MTRES1: variants seen among roughly 807,000 people sequenced by gnomAD.
MTRES1 encodes the protein uncharacterized protein C6orf203.
MTRES1 carries 11 observed loss-of-function variants against 17.4 expected under a neutral mutation model. That is an observed-to-expected ratio of 0.63 (90% CI 0.40 to 1.05). The LOEUF (loss-of-function observed/expected upper bound fraction) is 1.05, where lower values mean the gene tolerates loss of function less well. MTRES1 is among the 50% of genes least tolerant of loss of function. The pLI, the probability that MTRES1 is intolerant of heterozygous loss-of-function variation, is 0.00. For missense variants in MTRES1, 268 were observed against 276.2 expected, an observed-to-expected ratio of 0.97 and a Z score of 0.21; for synonymous variants, 94 against 99.6, an observed-to-expected ratio of 0.94 and a Z score of 0.34.
At chr6:107,042,588 C>T (rs1554227906) in intron 2 of MTRES1, among the ~76,000 whole-genome samples, 1 of 152,138 alleles carries the variant, frequency 6.6e-6, no homozygotes, top group African/African-American at 2.4e-5. Flanking sequence ...TCTGGTTGCC[C>T]TAGTGCGTTA....
chr6:107,043,015 C>A (rs1253434250), intron 2 of MTRES1, among the ~76,000 whole-genome samples: 1 of 152,082 alleles, frequency 6.6e-6, no homozygotes, highest in Non-Finnish European at 1.5e-5. Context: ...AAAATGGAGA[C>A]TGGGGAATCC....
intron 2 of MTRES1, among the ~76,000 whole-genome samples, chr6:107,042,803 A>G (rs1327134935): frequency 2.0e-5 from 3 of 152,202 alleles, no homozygotes; most frequent in African/African-American, 7.2e-5. Flanking sequence ...TAGTCTCTGC[A>G]CTGGGAGTCA....
At chr6:107,043,620 A>G (rs1554228040) in intron 2 of MTRES1, among the ~76,000 whole-genome samples, 4 of 152,160 alleles carry the variant, frequency 2.6e-5, no homozygotes, top group Admixed American at 6.6e-5. Context: ...TATATTTACT[A>G]TTTATTAAGT....
intron 1 of MTRES1, among the ~76,000 whole-genome samples, chr6:107,037,869 C>G (rs1187406240): frequency 1.3e-5 from 2 of 151,970 alleles, no homozygotes; most frequent in Non-Finnish European, 2.9e-5. Flanking sequence ...TAGGCGTATG[C>G]CACCACACCC....
At chr6:107,030,102 C>T in intron 1 of MTRES1, 1 of 718,408 alleles carries the variant, frequency 1.4e-6, no homozygotes, top group Non-Finnish European at 2.6e-6. Context: ...TAGTGCTTGG[C>T]ACATGGTAAG....
intron 2 of MTRES1, among the ~76,000 whole-genome samples, chr6:107,041,592 C>T (rs909181009): frequency 6.6e-6 from 1 of 152,072 alleles, no homozygotes; most frequent in Admixed American, 6.5e-5. Flanking sequence ...ATGGCACGAT[C>T]TCGGCTCACT....
At chr6:107,039,667 G>A (rs893755922) in intron 1 of MTRES1, 82 bp from the exon 2 acceptor site, 41 of 1,405,530 alleles carry the variant, frequency 2.9e-5, no homozygotes, top group Middle Eastern at 2.6e-4. Flanking sequence ...TACATAAAGC[G>A]TTCATAGTGC....
chr6:107,050,716 A>G (rs1774572086), intron 3 of MTRES1, among the ~76,000 whole-genome samples: 1 of 151,962 alleles, frequency 6.6e-6, no homozygotes, highest in South Asian at 2.1e-4. Flanking sequence ...ATTTGGGATC[A>G]CAGGCACCCA....
At chr6:107,032,570 G>A (rs1426569007) in intron 1 of MTRES1, among the ~76,000 whole-genome samples, 1 of 152,166 alleles carries the variant, frequency 6.6e-6, no homozygotes, top group Non-Finnish European at 1.5e-5. Context: ...AATTAGCCAG[G>A]CGTGGTGCCG....
intron 1 of MTRES1, among the ~76,000 whole-genome samples, chr6:107,031,397 AAAG>A (rs1451529842): frequency 1.4e-5 from 2 of 148,108 alleles, no homozygotes; most frequent in African/African-American, 2.5e-5. Flanking sequence ...AAAAAAAAAA[AAAG>A]AAAAAAAAAG....
At position 107,051,319 on chromosome 6, in the gene MTRES1, A is replaced by T. The variant is rs1049493040; in HGVS notation, c.*83A>T. 27 of 1,239,384 alleles carry T rather than the reference A, an allele frequency of 2.2e-5. No individual in the cohort carries two copies. The highest frequency in any genetic ancestry group is 2.6e-5 in the Non-Finnish European group (23 of 886,594). 76.8% of individuals were successfully genotyped at this position (1,239,384 alleles called of 1,614,324 possible). A position where few individuals can be genotyped will look rare whatever the true frequency, so the allele number is the denominator to read the frequency against. On this transcript the variant is annotated 3_prime_UTR_variant, in exon 4 of 4. Coordinates refer to ENST00000311381, the MANE Select transcript of MTRES1 (RefSeq NM_016487.5). ...AAAAATAGGACATTTTTATTAAAAT[A>T]AAGTTCTCTTAGCGTTTGTGGAATC...
At position 107,032,208 on chromosome 6, in the gene MTRES1, A is replaced by G. The variant is rs142191194; in HGVS notation, c.-13+3937A>G. On this transcript the variant is annotated intron_variant, in intron 1 of 3. Transcript: ENST00000311381. ...CTTGCTTTTGAATGAGACAAAAGTA[A>G]CAGCATCCTCTCCTTTACTATAGCC... Among the ~76,000 whole-genome samples, 663 of 152,294 alleles carry G rather than the reference A, an allele frequency of 4.4e-3. 1 individual carries two copies. Among genetic ancestry groups the G allele is most frequent in the African/African-American group, 0.015 (634 of 41,558 alleles).
chr6:107,046,646 G>A (rs1303597782), intron 3 of MTRES1, among the ~76,000 whole-genome samples: 1 of 152,186 alleles, frequency 6.6e-6, no homozygotes, highest in Non-Finnish European at 1.5e-5. Flanking sequence ...GGTCTGCTCT[G>A]TGGAGCCTGT....
intron 3 of MTRES1, among the ~76,000 whole-genome samples, chr6:107,046,930 TTGTGTGTG>T (rs67662472): frequency 6.4e-4 from 21 of 33,020 alleles, no homozygotes; most frequent in African/African-American, 1.3e-3. Context: ...GGATTCATTC[TTGTGTGTG>T]TGTGTGTGTG....
intron 3 of MTRES1, among the ~76,000 whole-genome samples, chr6:107,045,172 G>A (rs1774349093): frequency 8.1e-6 from 1 of 123,502 alleles, no homozygotes; most frequent in Non-Finnish European, 1.8e-5. Context: ...GTGACAGAGT[G>A]AGACCCTGTC....
chr6:107,048,892 A>G (rs1774492241), intron 3 of MTRES1, among the ~76,000 whole-genome samples: 1 of 151,384 alleles, frequency 6.6e-6, no homozygotes, highest in Non-Finnish European at 1.5e-5. Context: ...CCAAGGGGAG[A>G]AACAGTCTTG....
At chr6:107,032,817 CTG>C (rs1341668813) in intron 1 of MTRES1, among the ~76,000 whole-genome samples, 1 of 152,208 alleles carries the variant, frequency 6.6e-6, no homozygotes, top group Non-Finnish European at 1.5e-5. Context: ...AAAAAAATCA[CTG>C]TTGTAACTTG....
At chr6:107,044,508 T>C (rs1317352600) in intron 3 of MTRES1, among the ~76,000 whole-genome samples, 176 bp downstream of exon 3, 1 of 152,176 alleles carries the variant, frequency 6.6e-6, no homozygotes, top group East Asian at 1.9e-4. Flanking sequence ...ACAGGCACTT[T>C]CACTTTTGCA....
chr6:107,047,992 G>C (rs1378554012), intron 3 of MTRES1, among the ~76,000 whole-genome samples: 1 of 152,210 alleles, frequency 6.6e-6, no homozygotes, highest in Non-Finnish European at 1.5e-5. Flanking sequence ...GAGCCCAGGA[G>C]TTTGAGGCTA....
Sources: gnomAD v4.1 joint callset for allele counts (sites outside exome capture counted in the v4.1 genomes callset) on GRCh38, gnomAD v4.1.1 for gene constraint, MANE v1.5 for transcripts, NCBI Gene and HGNC (gene_info 2026-07-23, HGNC 2026-07-21) for gene names.